The following PCM1 variants were observed in gnomAD, a reference collection of about 807,000 sequenced individuals.
PCM1 encodes the protein pericentriolar material 1 protein.
PCM1 carries 157 observed loss-of-function variants against 241.9 expected under a neutral mutation model. The observed-to-expected ratio is 0.65, with a 90% CI of 0.57 to 0.74. The LOEUF (loss-of-function observed/expected upper bound fraction) is 0.74. Among genes scored for constraint, PCM1 ranks in the 30% least tolerant of loss-of-function variants. PCM1 has a pLI of 0.00. For missense variants in PCM1, 3,478 were observed against 2,360.1 expected, an observed-to-expected ratio of 1.47 and a Z score of -9.81; for synonymous variants, 1,085 against 784.9, an observed-to-expected ratio of 1.38 and a Z score of -6.39.
chr8:17,948,265 C>T (rs900132988), intron 7 of PCM1, among the ~76,000 whole-genome samples: 1 of 146,496 alleles, frequency 6.8e-6, no homozygotes, highest in East Asian at 2.0e-4. Flanking sequence ...TGCATTTTCA[C>T]AAGGAACGTT....
At chr8:17,930,890 A>G (rs2058801739) in intron 2 of PCM1, among the ~76,000 whole-genome samples, 1 of 152,124 alleles carries the variant, frequency 6.6e-6, no homozygotes, top group Admixed American at 6.5e-5. Context: ...CAAAAAAAAA[A>G]AAGAATTCAT....
Position 17,972,674 on chromosome 8 carries a change from A to G in PCM1, c.3930A>G (p.Arg1310=), listed in dbSNP as rs759713097. 61 of 1,539,902 alleles carry G rather than the reference A, an allele frequency of 4.0e-5. 1 individual carries two copies. Among genetic ancestry groups the G allele is most frequent in the Non-Finnish European group, 5.3e-5 (61 of 1,145,810 alleles). ...KKRNSTQLKS[R]VKNIRYESAS... is the part of the protein sequence containing the mutation. ...GGAATTCTACTCAGCTGAAAAGCAG[A>G]GTTAAAAACATCAGTAAGTGTTGAA... The change falls in exon 23 of 39, where the codon AGA becomes AGG. Residue 1310 remains arginine (R), a synonymous_variant. Transcript: ENST00000325083.
chr8:18,021,885 A>T (rs1270449870), intron 36 of PCM1, among the ~76,000 whole-genome samples: 1 of 152,186 alleles, frequency 6.6e-6, no homozygotes, highest in Non-Finnish European at 1.5e-5. Context: ...TAGCTCTGAA[A>T]TGACTCAATA....
intron 8 of PCM1, among the ~76,000 whole-genome samples, chr8:17,951,947 G>C (rs1214413634): frequency 6.6e-6 from 1 of 152,078 alleles, no homozygotes; most frequent in East Asian, 1.9e-4. Context: ...AAAAGGCCAG[G>C]TGCGGTGGCT....
chr8:17,980,710 C>A lies in PCM1; in HGVS notation c.4063C>A (p.Leu1355Met), dbSNP rs1212046363. 6.2e-7 allele frequency: 1 copy of A among 1,612,218 alleles called. No individual in the cohort carries two copies. The highest frequency in any genetic ancestry group is 1.3e-5 in the African/African-American group (1 of 74,854). The change falls in exon 24 of 39, where the codon CTG becomes ATG. Residue 1355 changes from leucine (L) to methionine (M), a missense_variant. By Grantham distance (15) the Leu-to-Met change is conservative. Coordinates refer to ENST00000325083, the MANE Select transcript of PCM1 (RefSeq NM_006197.4). ...ATTCAGCAGAAAGAATCATGAGCAACTGGAAAAAATAATAAAATGTAATAG... is the reference window on the plus strand; with the variant it reads ...ATTCAGCAGAAAGAATCATGAGCAAATGGAAAAAATAATAAAATGTAATAG... ...KVFSRKNHEQ[L>M]EKIIKCNRST...
chr8:18,029,499 T>C lies in PCM1; in HGVS notation c.*1837T>C, dbSNP rs1367146908. The C allele has an allele frequency of 4.6e-6, 1 of 215,334 alleles. No homozygotes were observed. The highest frequency in any genetic ancestry group is 2.3e-5 in the African/African-American group (1 of 44,400). 13.3% of individuals were successfully genotyped at this position (215,334 alleles called of 1,614,324 possible). Reference sequence around the variant, plus strand: ...GCCTTACATACTGTGTTTCTCTCTCTGTCTGCATGCATATTAAAGTGGAAA... The same window carrying C: ...GCCTTACATACTGTGTTTCTCTCTCCGTCTGCATGCATATTAAAGTGGAAA... On this transcript the variant is annotated 3_prime_UTR_variant, in exon 39 of 39. Transcript: ENST00000325083.
chr8:17,956,424 G>T (rs1396812888), intron 10 of PCM1, among the ~76,000 whole-genome samples, 180 bp from the exon 11 acceptor site: 1 of 152,154 alleles, frequency 6.6e-6, no homozygotes, highest in Non-Finnish European at 1.5e-5. Context: ...GAGATTTTGA[G>T]TAAGCTGTAC....
Position 18,018,899 on chromosome 8 carries a change from C to CAT in PCM1, c.5841+4071_5841+4072dup, listed in dbSNP as rs71545509. Among the ~76,000 whole-genome samples, 194 of 113,258 alleles carry CAT rather than the reference C, an allele frequency of 1.7e-3. 2 individuals are homozygous for CAT. Among genetic ancestry groups the CAT allele is most frequent in the Non-Finnish European group, 2.8e-3 (165 of 58,242 alleles). 74.3% of individuals were successfully genotyped at this position (113,258 alleles called of 152,430 possible). On this transcript the variant is annotated intron_variant, in intron 36 of 38. Coordinates refer to ENST00000325083, the MANE Select transcript of PCM1 (RefSeq NM_006197.4). ...ATATATACACACACATATACATACA[C>CAT]ATATATATATATAAATATATAACAT...
chr8:17,929,136 T>A (rs2058163138), intron 2 of PCM1, among the ~76,000 whole-genome samples: 1 of 152,146 alleles, frequency 6.6e-6, no homozygotes, highest in African/African-American at 2.4e-5. Flanking sequence ...CCTGCTGAAA[T>A]TTCTCACCAA....
chr8:17,958,356 A>G (rs373322471), intron 13 of PCM1, among the ~76,000 whole-genome samples: 1 of 152,298 alleles, frequency 6.6e-6, no homozygotes, highest in Non-Finnish European at 1.5e-5. Context: ...AGTTAGAACT[A>G]TTAATCATAA....
intron 21 of PCM1, among the ~76,000 whole-genome samples, chr8:17,968,728 A>ATGTGTG (rs1298559791): frequency 1.9e-4 from 18 of 97,104 alleles, no homozygotes; most frequent in Admixed American, 1.0e-4. Flanking sequence ...ATGGATGTAT[A>ATGTGTG]TATGTGTGTG....
chr8:17,964,431 A>G (rs1041158080), intron 17 of PCM1, 137 bp from the exon 18 acceptor site: 4 of 619,724 alleles, frequency 6.5e-6, no homozygotes, highest in African/African-American at 3.7e-5. Flanking sequence ...CACCCGTAGC[A>G]TAGTTATTGT....
chr8:17,982,066 A>G (rs1184523410), intron 24 of PCM1, among the ~76,000 whole-genome samples: 1 of 152,188 alleles, frequency 6.6e-6, no homozygotes, highest in Non-Finnish European at 1.5e-5. Flanking sequence ...ATCATTTTGT[A>G]ATCAGAAAAG....
intron 21 of PCM1, among the ~76,000 whole-genome samples, chr8:17,967,390 C>T (rs941795270): frequency 2.0e-5 from 3 of 151,828 alleles, no homozygotes; most frequent in African/African-American, 7.3e-5. Context: ...CTCACGGCAG[C>T]CTCCACCTCC....
intron 36 of PCM1, among the ~76,000 whole-genome samples, chr8:18,023,700 A>G (rs2093941687): frequency 6.6e-6 from 1 of 152,210 alleles, no homozygotes. Flanking sequence ...ATCTTTGCTT[A>G]GAGGGATCTT....
chr8:18,018,019 T>C (rs2093387273), intron 36 of PCM1, among the ~76,000 whole-genome samples: 1 of 152,228 alleles, frequency 6.6e-6, no homozygotes. Context: ...GGTGGATACC[T>C]TATCCACTTT....
intron 7 of PCM1, 129 bp downstream of exon 7, chr8:17,947,492 T>G (rs887215420): frequency 1.8e-5 from 12 of 677,826 alleles, no homozygotes; most frequent in Middle Eastern, 3.1e-4. Context: ...CATATGAGGC[T>G]TATACTTTCC....
chr8:17,938,839 A>G lies in PCM1; in HGVS notation c.442A>G (p.Ile148Val). ...RKPFNFLPMQ[I>V]NTNKSKDAST... ...GCCCTTCAACTTTTTGCCTATGCAG[A>G]TTAATACTAACAAGAGCAAAGATGC... Residue 148 changes from isoleucine (I) to valine (V), a missense_variant, in exon 5 of 39, where the codon ATT becomes GTT. Ile to Val is a conservative substitution (Grantham distance 29, BLOSUM62 3). Coordinates refer to ENST00000325083, the MANE Select transcript of PCM1 (RefSeq NM_006197.4). 1 of 1,613,436 alleles carries G rather than the reference A, an allele frequency of 6.2e-7. No homozygotes were observed. Among genetic ancestry groups the G allele is most frequent in the Non-Finnish European group, 8.5e-7 (1 of 1,179,528 alleles).
At chr8:17,975,669 C>G (rs899921062) in intron 23 of PCM1, among the ~76,000 whole-genome samples, 5 of 152,082 alleles carry the variant, frequency 3.3e-5, no homozygotes, top group Admixed American at 2.0e-4. Context: ...GTTATACTGT[C>G]CCATACTTAC....
Sources: gnomAD v4.1 joint callset for allele counts (sites outside exome capture counted in the v4.1 genomes callset) on GRCh38, gnomAD v4.1.1 for gene constraint, MANE v1.5 for transcripts, NCBI Gene and HGNC (gene_info 2026-07-23, HGNC 2026-07-21) for gene names.